CSGALNACT1: variants seen among roughly 807,000 people sequenced by gnomAD.
CSGALNACT1 encodes the protein chondroitin sulfate N-acetylgalactosaminyltransferase 1.
In CSGALNACT1, 52 loss-of-function variants were observed where a neutral mutation model predicts 51.0. The ratio of observed to expected loss-of-function variants is 1.02; its 90% CI spans 0.82 to 1.29. The LOEUF is 1.29. Ranked by LOEUF, CSGALNACT1 falls within the 50% of genes most tolerant of loss-of-function variation. CSGALNACT1 has a pLI of 0.00. For synonymous variants in CSGALNACT1, 341 were observed against 254.4 expected (o/e 1.34, Z -3.24); for missense variants, 935 against 679.2 (o/e 1.38, Z -4.19).
intron 6 of CSGALNACT1, among the ~76,000 whole-genome samples, chr8:19,431,186 G>T (rs2059600939): frequency 6.6e-6 from 1 of 151,902 alleles, no homozygotes; most frequent in African/African-American, 2.4e-5. Flanking sequence ...AACTGTCCTG[G>T]CTAGAACACC....
chr8:19,659,089 T>C (rs2058547850), intron 1 of CSGALNACT1, among the ~76,000 whole-genome samples: 1 of 152,192 alleles, frequency 6.6e-6, no homozygotes, highest in Non-Finnish European at 1.5e-5. Context: ...ACCTTACATG[T>C]CTTTACCATG....
At chr8:19,715,200 C>T (rs1348117041) in intron 1 of CSGALNACT1, among the ~76,000 whole-genome samples, 1 of 152,152 alleles carries the variant, frequency 6.6e-6, no homozygotes, top group Non-Finnish European at 1.5e-5. Flanking sequence ...TTATTCACTA[C>T]CACGAGAACA....
chr8:19,630,194 C>CTGTGTGTGTGTG (rs55947851), intron 1 of CSGALNACT1, among the ~76,000 whole-genome samples: 59 of 137,892 alleles, frequency 4.3e-4, no homozygotes, highest in African/African-American at 1.4e-3. Flanking sequence ...TCCCACGTCT[C>CTGTGTGTGTGTG]TGTGTGTGTG....
At chr8:19,491,525 T>C (rs1023934082) in intron 4 of CSGALNACT1, among the ~76,000 whole-genome samples, 5 of 152,248 alleles carry the variant, frequency 3.3e-5, no homozygotes, top group African/African-American at 9.6e-5. Flanking sequence ...TCATCATTTA[T>C]AAAATTGTGA....
At chr8:19,618,044 G>A (rs1303111372) in intron 1 of CSGALNACT1, among the ~76,000 whole-genome samples, 1 of 150,986 alleles carries the variant, frequency 6.6e-6, no homozygotes, top group African/African-American at 2.5e-5. Context: ...ACTTCCGGCT[G>A]ATTTTTTTTT....
In CSGALNACT1 at chr8:19,443,985, T is replaced by A. The variant is rs185250712; in HGVS notation, c.852-4054A>T. ...GAACACACAACCTAGATCCCTTACA[T>A]CTGCGGTTCACAATAAGGTTCACCC... is the stretch of plus-strand genomic sequence containing the variant. On this transcript the variant is annotated intron_variant, in intron 5 of 9. Coordinates refer to ENST00000454498, the Ensembl canonical transcript of CSGALNACT1. 3.3e-3 allele frequency among the ~76,000 whole-genome samples: 495 copies of A among 152,256 alleles called. 3 individuals are homozygous for A. The highest frequency in any genetic ancestry group is 0.012 in the African/African-American group (478 of 41,548).
intron 1 of CSGALNACT1, among the ~76,000 whole-genome samples, chr8:19,753,054 A>G (rs114276321): frequency 0.01 from 1,533 of 152,204 alleles, 35 homozygotes; most frequent in African/African-American, 0.035. Flanking sequence ...AAAGCTTTGT[A>G]CCTATCATCT....
chr8:19,494,273 G>C (rs1312929627), intron 4 of CSGALNACT1, among the ~76,000 whole-genome samples: 1 of 151,972 alleles, frequency 6.6e-6, no homozygotes, highest in Non-Finnish European at 1.5e-5. Flanking sequence ...GCCCATGTTA[G>C]TTACTCCTGC....
At chr8:19,672,152 G>A (rs545851623) in intron 1 of CSGALNACT1, among the ~76,000 whole-genome samples, 20 of 152,242 alleles carry the variant, frequency 1.3e-4, no homozygotes, top group Middle Eastern at 6.8e-3. Flanking sequence ...CTCTCTTTCT[G>A]TCAAGGTTCC....
chr8:19,581,300 A>G (rs2045512474), intron 3 of CSGALNACT1, among the ~76,000 whole-genome samples: 1 of 152,232 alleles, frequency 6.6e-6, no homozygotes, highest in South Asian at 2.1e-4. Flanking sequence ...TAGCATATTC[A>G]GGCCTGACTC....
intron 1 of CSGALNACT1, among the ~76,000 whole-genome samples, chr8:19,709,619 C>G (rs929505538): frequency 4.6e-5 from 7 of 152,154 alleles, no homozygotes; most frequent in African/African-American, 1.7e-4. Flanking sequence ...CTTCTGGAAC[C>G]TAGAGGAAGG....
intron 4 of CSGALNACT1, among the ~76,000 whole-genome samples, chr8:19,476,217 G>A (rs571570785): frequency 2.2e-4 from 33 of 152,012 alleles, no homozygotes; most frequent in Non-Finnish European, 4.1e-4. Flanking sequence ...TAGCCAATTT[G>A]AGTGTACTCC....
intron 1 of CSGALNACT1, among the ~76,000 whole-genome samples, chr8:19,746,672 T>A (rs2064685171): frequency 6.6e-6 from 1 of 152,204 alleles, no homozygotes; most frequent in African/African-American, 2.4e-5. Flanking sequence ...AATCATTGGT[T>A]CTCTCATTAA....
chr8:19,650,936 G>A (rs1039541095), intron 1 of CSGALNACT1, among the ~76,000 whole-genome samples: 1 of 152,188 alleles, frequency 6.6e-6, no homozygotes, highest in Non-Finnish European at 1.5e-5. Flanking sequence ...GTGCTGGAAA[G>A]AGGCATCACC....
At chr8:19,548,963 T>A (rs2087205075) in intron 3 of CSGALNACT1, among the ~76,000 whole-genome samples, 1 of 151,942 alleles carries the variant, frequency 6.6e-6, no homozygotes, top group Non-Finnish European at 1.5e-5. Context: ...AGACTACAGG[T>A]GCATGCCACC....
chr8:19,473,547 A>G (rs2084220358), intron 4 of CSGALNACT1, among the ~76,000 whole-genome samples: 1 of 152,148 alleles, frequency 6.6e-6, no homozygotes, highest in Admixed American at 6.5e-5. Context: ...TGGCTTCACC[A>G]CTGACTTTCT....
intron 1 of CSGALNACT1, among the ~76,000 whole-genome samples, chr8:19,631,981 C>G (rs940019169): frequency 2.0e-5 from 3 of 152,198 alleles, no homozygotes; most frequent in Non-Finnish European, 4.4e-5. Flanking sequence ...AAGCTTTTTG[C>G]TGTAGGTTAT....
chr8:19,747,200 C>T (rs2064728550), intron 1 of CSGALNACT1, among the ~76,000 whole-genome samples: 1 of 152,092 alleles, frequency 6.6e-6, no homozygotes, highest in Admixed American at 6.6e-5. Context: ...TGGTACTTAG[C>T]CAGCAAATAA....
chr8:19,686,238 C>A (rs543996832), upstream of CSGALNACT1, among the ~76,000 whole-genome samples: 1 of 152,152 alleles, frequency 6.6e-6, no homozygotes, highest in African/African-American at 2.4e-5. Context: ...AGGGGACACA[C>A]AGGGTGGTCT....
Sources: gnomAD v4.1 joint callset for allele counts (sites outside exome capture counted in the v4.1 genomes callset) on GRCh38, gnomAD v4.1.1 for gene constraint, MANE v1.5 for transcripts, NCBI Gene and HGNC (gene_info 2026-07-23, HGNC 2026-07-21) for gene names.